The following MTO1 variants were observed in gnomAD, a reference collection of about 807,000 sequenced individuals.
MTO1 encodes the protein mitochondrial tRNA translation optimization 1.
In MTO1, 46 loss-of-function variants were observed where a neutral mutation model predicts 71.6. The ratio of observed to expected loss-of-function variants is 0.64; its 90% confidence interval spans 0.51 to 0.82. MTO1 has a LOEUF of 0.82. Among genes scored for constraint, MTO1 ranks in the 40% least tolerant of loss-of-function variants. The pLI, the probability that MTO1 is intolerant of heterozygous loss-of-function variation, is 0.00. For synonymous variants in MTO1, 297 were observed against 312.1 expected (o/e 0.95, Z 0.51); for missense variants, 773 against 867.5 (o/e 0.89, Z 1.37).
intron 4 of MTO1, among the ~76,000 whole-genome samples, chr6:73,474,701 A>G (rs978865266): frequency 2.0e-5 from 3 of 148,396 alleles, no homozygotes; most frequent in African/African-American, 5.0e-5. Flanking sequence ...GCCTGCCTCA[A>G]CCTCCCAAAG....
chr6:73,480,389 G>A, intron 6 of MTO1: 3 of 650,044 alleles, frequency 4.6e-6, no homozygotes, highest in South Asian at 1.5e-5. Context: ...TTCTGCCTCA[G>A]CCTCCTGAGT....
Position 73,482,534 on chromosome 6 carries a change from G to T in MTO1, c.1551G>T (p.Val517=), listed in dbSNP as rs1771535816. 6.2e-7 allele frequency: 1 copy of T among 1,612,532 alleles called. No homozygotes were observed. ...MKSSLEEGIS[V]LKSIEFLSSK... The stretch of plus-strand genomic sequence containing the variant: ...CTTCTTTAGAAGAAGGCATTTCTGT[G>T]TTGAAATCTATTGAGTTTTTGAGCT... The change falls in exon 9 of 12, where the codon GTG becomes GTT. Residue 517 remains valine (V), a synonymous_variant. Transcript: ENST00000498286.
chr6:73,484,550 G>A (rs1771600135), intron 9 of MTO1, among the ~76,000 whole-genome samples: 1 of 150,294 alleles, frequency 6.7e-6, no homozygotes, highest in Non-Finnish European at 1.5e-5. Context: ...GTCATATTGA[G>A]CATTAGATTC....
At chr6:73,486,104 G>GC (rs1283616924) in intron 9 of MTO1, among the ~76,000 whole-genome samples, 3 of 152,142 alleles carry the variant, frequency 2.0e-5, no homozygotes, top group Non-Finnish European at 4.4e-5. Flanking sequence ...AGCAGTTCTT[G>GC]AAGTTTGGAG....
intron 9 of MTO1, 184 bp from the exon 10 acceptor site, chr6:73,492,050 C>T (rs1771823440): frequency 4.3e-6 from 2 of 465,792 alleles, no homozygotes; most frequent in East Asian, 3.9e-5. Flanking sequence ...TGCAGTGAGC[C>T]AAGATTGTAC....
chr6:73,462,089 T>C lies in MTO1; in HGVS notation c.217+18T>C. ...CACGATCGGTGAGGAGCGCGGGTGC[T>C]GTGGAACTTGGCGTAGGACGCAGGC... On this transcript the variant is annotated intron_variant, in intron 1 of 11. Transcript: ENST00000498286. The C allele has an allele frequency of 2.5e-6, 4 of 1,610,038 alleles. No individual in the cohort carries two copies. The East Asian group carries it at 8.9e-5, about 36-fold the overall frequency.
At chr6:73,495,878 C>G (rs1281492918) in intron 10 of MTO1, among the ~76,000 whole-genome samples, 1 of 152,122 alleles carries the variant, frequency 6.6e-6, no homozygotes, top group Non-Finnish European at 1.5e-5. Flanking sequence ...TGCATTATTT[C>G]ATTTGATACT....
chr6:73,472,605 A>C (rs1430633086), intron 3 of MTO1, among the ~76,000 whole-genome samples: 1 of 152,210 alleles, frequency 6.6e-6, no homozygotes, highest in African/African-American at 2.4e-5. Flanking sequence ...ATACATTTTC[A>C]GCTGTAAGTT....
chr6:73,497,826 A>T lies in MTO1; in HGVS notation c.1847A>T (p.Tyr616Phe). ...CTCCAACTGCCAAAAGACCTAGATTATTTGACTATCAGGGATGTGTCTTTG... is the reference window on the plus strand; with the variant it reads ...CTCCAACTGCCAAAAGACCTAGATTTTTTGACTATCAGGGATGTGTCTTTG... The part of the protein sequence containing the change: ...EALQLPKDLD[Y>F]LTIRDVSLSH... The change falls in exon 11 of 12, where the codon TAT becomes TTT. Residue 616 changes from tyrosine to phenylalanine, a missense_variant. Transcript: ENST00000498286. 6.2e-7 allele frequency: 1 copy of T among 1,614,008 alleles called. No individual in the cohort carries two copies. The highest frequency in any genetic ancestry group is 1.1e-5 in the South Asian group (1 of 91,090).
Position 73,473,486 on chromosome 6 carries a change from A to G in MTO1, c.657A>G (p.Ile219Met). 6.2e-7 allele frequency: 1 copy of G among 1,614,146 alleles called. No homozygotes were observed. The highest frequency in any genetic ancestry group is 1.1e-5 in the South Asian group (1 of 91,084). ...GACGTTTAGGGGATCAGCCTTCTAT[A>G]GGATTGGCTCAGACACTGGAGAAGT... ...PAGRLGDQPS[I>M]GLAQTLEKLG... The change falls in exon 4 of 12, where the codon ATA (isoleucine) becomes ATG (methionine). Residue 219 changes from isoleucine (I) to methionine (M), a missense_variant. Transcript: ENST00000498286.
chr6:73,466,190 TTATGTC>T lies in MTO1; in HGVS notation c.218-15_218-10del, dbSNP rs1313420999. On this transcript the variant is annotated splice_polypyrimidine_tract_variant and intron_variant, in intron 1 of 11. Transcript: ENST00000498286. ...CAAGGTGCTCATATATTTATTTTGT[TTATGTC>T]TATTATCTTTAGGTCAGATGTCATG... 2.5e-6 allele frequency: 4 copies of T among 1,590,666 alleles called. No homozygotes were observed. The highest frequency in any genetic ancestry group is 2.2e-5 in the South Asian group (2 of 90,520).
At position 73,480,715 on chromosome 6, in the gene MTO1, C is replaced by T. The variant is rs1771464421; in HGVS notation, c.1170C>T (p.Ile390=). The T allele has an allele frequency of 6.2e-7, 1 of 1,613,804 alleles. No individual in the cohort carries two copies. Among genetic ancestry groups the T allele is most frequent in the African/African-American group, 1.3e-5 (1 of 74,912 alleles). The change falls in exon 7 of 12, where the codon ATC becomes ATT. Residue 390 remains isoleucine (I), a synonymous_variant. Transcript: ENST00000498286. ...VQYDYLDPRQ[I]TPSLETHLVQ... ...ATGATTACTTAGATCCCCGTCAGAT[C>T]ACCCCTTCCTTGGAGACTCATTTGG...
At chr6:73,467,916 G>A (rs1055977885) in intron 3 of MTO1, among the ~76,000 whole-genome samples, 2 of 152,078 alleles carry the variant, frequency 1.3e-5, no homozygotes, top group African/African-American at 2.4e-5. Context: ...AGCCTCCCGG[G>A]TTCAAGCGAT....
chr6:73,484,347 C>T (rs1771595055), intron 9 of MTO1, among the ~76,000 whole-genome samples: 1 of 152,116 alleles, frequency 6.6e-6, no homozygotes, highest in African/African-American at 2.4e-5. Context: ...AGTCCAAGAT[C>T]AAGGCACCAG....
At chr6:73,490,032 A>G (rs1486736171) in intron 9 of MTO1, among the ~76,000 whole-genome samples, 5 of 152,230 alleles carry the variant, frequency 3.3e-5, no homozygotes, top group African/African-American at 1.2e-4. Flanking sequence ...CATTTCTCTG[A>G]TGGCCAGTGA....
At chr6:73,496,751 T>C (rs1223811883) in intron 10 of MTO1, among the ~76,000 whole-genome samples, 2 of 151,662 alleles carry the variant, frequency 1.3e-5, no homozygotes, top group Non-Finnish European at 2.9e-5. Flanking sequence ...AAAACCATTT[T>C]CTTAGAGAAG....
Position 73,500,398 on chromosome 6 carries a change from AAAT to A in MTO1, c.1918-168_1918-166del, listed in dbSNP as rs142213843. Among the ~76,000 whole-genome samples the A allele has an allele frequency of 4.5e-3, 693 of 152,332 alleles. 6 individuals carry two copies. Among genetic ancestry groups the A allele is most frequent in the Non-Finnish European group, 7.5e-3 (507 of 68,030 alleles). On this transcript the variant is annotated intron_variant, in intron 11 of 11. Coordinates refer to ENST00000498286, the MANE Select transcript of MTO1 (RefSeq NM_012123.4). The stretch of plus-strand genomic sequence containing the variant: ...TTTCCCATTTGTAAAATGAAGACAT[AAAT>A]AATAATATTTCCTTTATCTACTTTA...
At chr6:73,493,234 T>A (rs1771872042) in intron 10 of MTO1, among the ~76,000 whole-genome samples, 1 of 151,644 alleles carries the variant, frequency 6.6e-6, no homozygotes, top group African/African-American at 2.4e-5. Flanking sequence ...GCTCAGGTGA[T>A]CTGCCTGCCT....
chr6:73,479,054 A>G (rs1691974035), intron 4 of MTO1, among the ~76,000 whole-genome samples: 1 of 149,446 alleles, frequency 6.7e-6, no homozygotes, highest in African/African-American at 2.5e-5. Context: ...ATGCCCAGCT[A>G]ATTTTTGTCT....
Sources: gnomAD v4.1 joint callset for allele counts (sites outside exome capture counted in the v4.1 genomes callset) on GRCh38, gnomAD v4.1.1 for gene constraint, MANE v1.5 for transcripts, NCBI Gene and HGNC (gene_info 2026-07-23, HGNC 2026-07-21) for gene names.